The following VAV2 variants were observed in gnomAD, a reference collection of about 807,000 sequenced individuals.
VAV2 encodes guanine nucleotide exchange factor VAV2.
In VAV2, 67 loss-of-function variants were observed where a neutral mutation model predicts 132.5. That is an observed-to-expected ratio of 0.51 (90% CI 0.42 to 0.62). The LOEUF is 0.62. VAV2 is among the 20% of genes least tolerant of loss of function. VAV2 has a pLI of 0.00. For synonymous variants in VAV2, 492 were observed against 443.5 expected, an observed-to-expected ratio of 1.11 and a Z score of -1.37; for missense variants, 938 against 1,153.6, an observed-to-expected ratio of 0.81 and a Z score of 2.71.
Position 133,788,763 on chromosome 9 carries a change from A to G in VAV2, c.1275-277T>C, listed in dbSNP as rs1277452277. Among the ~76,000 whole-genome samples the G allele has an allele frequency of 2.6e-5, 4 of 152,018 alleles. No individual in the cohort carries two copies. Among genetic ancestry groups the G allele is most frequent in the Non-Finnish European group, 4.4e-5 (3 of 67,984 alleles). On this transcript the variant is annotated intron_variant, in intron 14 of 29. Transcript: ENST00000371850. This position sits in a 1 kb window ranked among gnomAD's most constrained non-coding sequence, Gnocchi z 5.3. ...CCTGCATCCCCCACGCTGGCCTCCC[A>G]TGCAGCACTGACCCCCGACGGCTAC...
intron 2 of VAV2, among the ~76,000 whole-genome samples, chr9:133,915,702 G>A (rs1840053249): frequency 6.8e-6 from 1 of 147,284 alleles, no homozygotes; most frequent in Non-Finnish European, 1.5e-5. Flanking sequence ...CACACACAAT[G>A]CACAGACGCA....
At chr9:133,941,102 C>T (rs946433133) in intron 1 of VAV2, among the ~76,000 whole-genome samples, 3 of 152,070 alleles carry the variant, frequency 2.0e-5, no homozygotes, top group Admixed American at 6.5e-5. Flanking sequence ...CTGTGCCCAC[C>T]AAACACTCAA....
At chr9:133,858,832 C>T (rs1172203318) in intron 3 of VAV2, among the ~76,000 whole-genome samples, 1 of 152,210 alleles carries the variant, frequency 6.6e-6, no homozygotes, top group Non-Finnish European at 1.5e-5. Context: ...CACCTCCACT[C>T]GGGTCTCCTG....
intron 24 of VAV2, among the ~76,000 whole-genome samples, chr9:133,775,670 C>T (rs1380281784): frequency 2.0e-5 from 3 of 152,256 alleles, no homozygotes; most frequent in African/African-American, 4.8e-5. Context: ...TCCCACCAAG[C>T]AACTGTATTG....
chr9:133,892,531 C>G (rs951746177), intron 2 of VAV2, among the ~76,000 whole-genome samples: 5 of 152,048 alleles, frequency 3.3e-5, no homozygotes, highest in Non-Finnish European at 1.5e-5. Flanking sequence ...CAGCAAAAAT[C>G]AATCTGCATC....
At chr9:133,872,928 C>T (rs371027609) in intron 2 of VAV2, among the ~76,000 whole-genome samples, 18 of 152,228 alleles carry the variant, frequency 1.2e-4, no homozygotes, top group African/African-American at 3.9e-4. Flanking sequence ...GCCTGGGCAA[C>T]GTGGTGAAAC....
Position 133,788,235 on chromosome 9 carries a change from C to CCCCCCCCCACA in VAV2, c.1407+118_1407+119insTGTGGGGGGGG. 3 of 998,872 alleles carry CCCCCCCCCACA rather than the reference C, an allele frequency of 3.0e-6. No individual in the cohort carries two copies. The highest frequency in any genetic ancestry group is 4.4e-6 in the Non-Finnish European group (3 of 680,472). The allele number at this position is 998,872 out of a possible 1,614,324, so 61.9% of individuals were successfully genotyped here. ...CAGAGCGGAGACGCCCACCCCAACC[C>CCCCCCCCCACA]ACCCGGCCAGCATCAGCGGCTGACT... is the stretch of plus-strand genomic sequence containing the variant. On this transcript the variant is annotated intron_variant, in intron 15 of 29. Transcript: ENST00000371850. This position sits in a 1 kb window ranked among gnomAD's most constrained non-coding sequence, Gnocchi z 5.3.
rs142744682 is a variant in VAV2 at position 133,768,526 on chromosome 9, A to G, written c.2505T>C (p.Leu835=). The change falls in exon 29 of 30, where the codon CTT becomes CTC. Residue 835 remains leucine (L), a synonymous_variant. Transcript: ENST00000371850. The surrounding 1 kb of genome is among the most constrained non-coding windows in gnomAD (Gnocchi z 5.3). ...YNFAARDMRE[L]SLREGDVVRI... ...TCACCACGTCACCCTCCCGCAGCGAAAGCTCCCTCATATCTCGGGCGGCAA... is the reference window on the plus strand; with the variant it reads ...TCACCACGTCACCCTCCCGCAGCGAGAGCTCCCTCATATCTCGGGCGGCAA... 2.5e-5 allele frequency: 40 copies of G among 1,613,788 alleles called. No individual in the cohort carries two copies. Among genetic ancestry groups the G allele is most frequent in the Non-Finnish European group, 3.1e-5 (37 of 1,179,984 alleles).
At position 133,802,337 on chromosome 9, in the gene VAV2, C is replaced by CAT. The variant is rs1834964774; in HGVS notation, c.836+3743_836+3744insAT. Among the ~76,000 whole-genome samples, 1 of 151,724 alleles carries CAT rather than the reference C, an allele frequency of 6.6e-6. No individual in the cohort carries two copies. The highest frequency in any genetic ancestry group is 2.4e-5 in the African/African-American group (1 of 41,302). ...AAGCACGCGTGTACACACACACACA[C>CAT]ACACACACACACACACACGACTTCA... On this transcript the variant is annotated intron_variant, in intron 9 of 29. Transcript: ENST00000371850. The surrounding 1 kb of genome is among the most constrained non-coding windows in gnomAD (Gnocchi z 5.8).
At chr9:133,855,244 G>A (rs1005743093) in intron 3 of VAV2, among the ~76,000 whole-genome samples, 1 of 152,248 alleles carries the variant, frequency 6.6e-6, no homozygotes, top group African/African-American at 2.4e-5. Context: ...ACAGTGTGCA[G>A]AGAGGATAGC....
Position 133,810,333 on chromosome 9 carries a change from G to A in VAV2, c.553-128C>T, listed in dbSNP as rs980026848. 7 of 1,450,044 alleles carry A rather than the reference G, an allele frequency of 4.8e-6. No homozygotes were observed. The African/African-American group carries it at 5.6e-5, about 12-fold the overall frequency. The allele number at this position is 1,450,044 out of a possible 1,614,324, so 89.8% of individuals were successfully genotyped here. A position where few individuals can be genotyped will look rare whatever the true frequency, so the allele number is the denominator to read the frequency against. ...CCAACAGACCCAAAGCCACATCACG[G>A]CCCCTCGTGCTGCCCAGCTGGGCAG... is the stretch of plus-strand genomic sequence containing the variant. On this transcript the variant is annotated intron_variant, in intron 5 of 29. Coordinates refer to ENST00000371850, the MANE Select transcript of VAV2 (RefSeq NM_001134398.2).
intron 2 of VAV2, among the ~76,000 whole-genome samples, chr9:133,867,296 C>T (rs1382791701): frequency 6.6e-6 from 1 of 152,232 alleles, no homozygotes; most frequent in African/African-American, 2.4e-5. Context: ...CCAGGTGGTG[C>T]GTGCGCAACT....
chr9:133,778,897 G>A lies in VAV2; in HGVS notation c.1763-8C>T. On this transcript the variant is annotated splice_region_variant and splice_polypyrimidine_tract_variant and intron_variant, in intron 21 of 29. Coordinates refer to ENST00000371850, the MANE Select transcript of VAV2 (RefSeq NM_001134398.2). ...TGGCCACCATCTTGGGACCTGCAAAGGATAGGACAGCTCACTCAGTGACTC... is the reference window on the plus strand; with the variant it reads ...TGGCCACCATCTTGGGACCTGCAAAAGATAGGACAGCTCACTCAGTGACTC... 6 of 1,611,630 alleles carry A rather than the reference G, an allele frequency of 3.7e-6. No individual in the cohort carries two copies. The highest frequency in any genetic ancestry group is 4.2e-6 in the Non-Finnish European group (5 of 1,179,594).
chr9:133,777,588 T>C, intron 22 of VAV2, 125 bp from the exon 23 acceptor site: 2 of 938,096 alleles, frequency 2.1e-6, no homozygotes, highest in Non-Finnish European at 3.3e-6. Flanking sequence ...CAATGTCTTC[T>C]TTCCCAACCT....
At chr9:133,779,017 C>T in intron 21 of VAV2, 128 bp from the exon 22 acceptor site, 8 of 1,198,824 alleles carry the variant, frequency 6.7e-6, no homozygotes, top group Non-Finnish European at 9.3e-6. Flanking sequence ...GCGCCTGCAT[C>T]TCCCTTCCCT....
chr9:133,910,716 C>T (rs781011750), intron 2 of VAV2, among the ~76,000 whole-genome samples: 32 of 148,066 alleles, frequency 2.2e-4, no homozygotes, highest in Admixed American at 3.4e-4. Flanking sequence ...CCCAGCTACT[C>T]GGGAGGCTGA....
chr9:133,900,012 C>A (rs1839374513), intron 2 of VAV2, among the ~76,000 whole-genome samples: 3 of 145,828 alleles, frequency 2.1e-5, no homozygotes, highest in East Asian at 2.0e-4. Flanking sequence ...CAGAGCAAGA[C>A]TCCATCTCAA....
At chr9:133,988,765 T>C (rs1351556649) in intron 1 of VAV2, among the ~76,000 whole-genome samples, 2 of 151,840 alleles carry the variant, frequency 1.3e-5, no homozygotes, top group Non-Finnish European at 2.9e-5. Flanking sequence ...CTACTAAAAA[T>C]ACAAAAAAGA....
chr9:133,981,068 C>A (rs887321250), intron 1 of VAV2, among the ~76,000 whole-genome samples: 1 of 152,196 alleles, frequency 6.6e-6, no homozygotes, highest in South Asian at 2.1e-4. Context: ...TGCACGTGCC[C>A]CATCTTCGCC....
Sources: gnomAD v4.1 joint callset for allele counts (sites outside exome capture counted in the v4.1 genomes callset) on GRCh38, gnomAD v4.1.1 for gene constraint, Gnocchi (gnomAD v3.1) non-coding constraint, MANE v1.5 for transcripts, NCBI Gene and HGNC (gene_info 2026-07-23, HGNC 2026-07-21) for gene names.